The following UBE2E2 variants were observed in gnomAD, a reference collection of about 807,000 sequenced individuals.
UBE2E2 encodes ubiquitin conjugating enzyme E2 E2, also known as ubiquitin-conjugating enzyme E2 E2.
A neutral mutation model predicts 24.7 loss-of-function variants in UBE2E2; 6 were observed. The observed-to-expected ratio is 0.24, with a 90% CI of 0.13 to 0.48. The LOEUF is 0.48. Ranked by LOEUF, UBE2E2 falls within the 20% of genes least tolerant of loss-of-function variation. The pLI is 0.99. For synonymous variants in UBE2E2, 104 were observed against 83.6 expected, an observed-to-expected ratio of 1.24 and a Z score of -1.33; for missense variants, 169 against 245.0, an observed-to-expected ratio of 0.69 and a Z score of 2.07.
At chr3:23,466,544 G>T (rs1698922491) in intron 3 of UBE2E2, among the ~76,000 whole-genome samples, 1 of 150,806 alleles carries the variant, frequency 6.6e-6, no homozygotes, top group South Asian at 2.1e-4. Flanking sequence ...AGTAGTCCCA[G>T]AGTCTGTTTT....
At chr3:23,578,911 T>G (rs1418731036) in intron 5 of UBE2E2, among the ~76,000 whole-genome samples, 2 of 152,158 alleles carry the variant, frequency 1.3e-5, no homozygotes, top group Non-Finnish European at 2.9e-5. Flanking sequence ...ATCCTGCACA[T>G]GTACCCCTGA....
chr3:23,507,944 G>A (rs1026668669), intron 4 of UBE2E2, among the ~76,000 whole-genome samples: 1 of 152,124 alleles, frequency 6.6e-6, no homozygotes, highest in Non-Finnish European at 1.5e-5. Context: ...TTATATCTAC[G>A]TTAAATAATA....
At chr3:23,494,825 A>G (rs1052020212) in intron 3 of UBE2E2, among the ~76,000 whole-genome samples, 1 of 152,028 alleles carries the variant, frequency 6.6e-6, no homozygotes, top group East Asian at 1.9e-4. Flanking sequence ...CCTGGGTTCA[A>G]GCAATTCTCC....
intron 3 of UBE2E2, among the ~76,000 whole-genome samples, chr3:23,350,914 A>T (rs938192897): frequency 2.0e-5 from 3 of 152,198 alleles, no homozygotes; most frequent in Non-Finnish European, 2.9e-5. Context: ...CGAGAAGAGC[A>T]ACTCCAAGAC....
chr3:23,341,752 G>A (rs187989971), intron 3 of UBE2E2, among the ~76,000 whole-genome samples: 1 of 151,242 alleles, frequency 6.6e-6, no homozygotes, highest in African/African-American at 2.4e-5. Context: ...TAATAGTGTA[G>A]TAATTGATCA....
chr3:23,526,518 G>A (rs961397111), intron 4 of UBE2E2, among the ~76,000 whole-genome samples: 6 of 152,200 alleles, frequency 3.9e-5, no homozygotes, highest in African/African-American at 1.4e-4. Context: ...TTGGACATCA[G>A]TTGAAAGACA....
intron 3 of UBE2E2, among the ~76,000 whole-genome samples, chr3:23,235,701 G>A (rs941210127): frequency 3.3e-5 from 5 of 152,132 alleles, no homozygotes; most frequent in Admixed American, 3.3e-4. Context: ...TTGCTGATGG[G>A]TAAATGGCAG....
intron 3 of UBE2E2, among the ~76,000 whole-genome samples, chr3:23,421,749 A>C (rs1450866733): frequency 6.6e-6 from 1 of 152,254 alleles, no homozygotes; most frequent in African/African-American, 2.4e-5. Context: ...CAGAAAGTCA[A>C]ACACCACATG....
At chr3:23,391,349 T>G (rs1054844835) in intron 3 of UBE2E2, among the ~76,000 whole-genome samples, 1 of 152,242 alleles carries the variant, frequency 6.6e-6, no homozygotes, top group African/African-American at 2.4e-5. Context: ...AGACTTAGAA[T>G]GTATATGCAA....
chr3:23,560,028 G>A (rs979366913), intron 5 of UBE2E2, among the ~76,000 whole-genome samples: 5 of 151,700 alleles, frequency 3.3e-5, no homozygotes, highest in Non-Finnish European at 7.4e-5. Flanking sequence ...ATTAATATGG[G>A]GCTAGAAATA....
At chr3:23,538,321 A>C (rs1238594010) in intron 5 of UBE2E2, among the ~76,000 whole-genome samples, 1 of 152,140 alleles carries the variant, frequency 6.6e-6, no homozygotes, top group African/African-American at 2.4e-5. Flanking sequence ...AGTCACTCTA[A>C]TCAATACTTC....
rs540096319 is a variant in UBE2E2 at position 23,272,143 on chromosome 3, G to A, written c.227+54831G>A. On this transcript the variant is annotated intron_variant, in intron 3 of 5. Coordinates refer to ENST00000396703, the MANE Select transcript of UBE2E2 (RefSeq NM_152653.4). ...CACCGCCAGGGGGCTCGGCCATGGC[G>A]GGCTGCAGGTCCCGAGCCCTGCCCC... Among the ~76,000 whole-genome samples the A allele has an allele frequency of 8.4e-3, 1,281 of 152,294 alleles. 17 individuals carry two copies. The highest frequency in any genetic ancestry group is 0.028 in the African/African-American group (1,175 of 41,572).
intron 3 of UBE2E2, among the ~76,000 whole-genome samples, chr3:23,247,884 C>T (rs1290299033): frequency 2.0e-5 from 3 of 152,068 alleles, no homozygotes; most frequent in Non-Finnish European, 4.4e-5. Flanking sequence ...ATTTGTGGTT[C>T]TCCATTTTGA....
rs1466782734 is a variant in UBE2E2 at position 23,474,963 on chromosome 3, G to T, written c.228-24645G>T. On this transcript the variant is annotated intron_variant, in intron 3 of 5. Coordinates refer to ENST00000396703, the MANE Select transcript of UBE2E2 (RefSeq NM_152653.4). The surrounding 1 kb of genome is among the most constrained non-coding windows in gnomAD (Gnocchi z 4.0). The stretch of plus-strand genomic sequence containing the variant: ...CGATGACAAGCATTTCACTCAAATT[G>T]CTCCTCTCAAAGTCACCAACTGCAT... Among the ~76,000 whole-genome samples, 1 of 151,878 alleles carries T rather than the reference G, an allele frequency of 6.6e-6. No individual in the cohort carries two copies.
At chr3:23,349,928 C>T (rs182022794) in intron 3 of UBE2E2, among the ~76,000 whole-genome samples, 4,454 of 152,332 alleles carry the variant, frequency 0.029, 117 homozygotes, top group East Asian at 0.13. Context: ...GGCAGACTGC[C>T]TCCTCAAGTG....
At chr3:23,370,899 C>T (rs923131149) in intron 3 of UBE2E2, among the ~76,000 whole-genome samples, 25 of 152,036 alleles carry the variant, frequency 1.6e-4, no homozygotes, top group Admixed American at 1.4e-3. Context: ...GAAGTAAAAG[C>T]AGAAAAGAAA....
intron 3 of UBE2E2, among the ~76,000 whole-genome samples, chr3:23,356,129 C>G (rs953314864): frequency 5.3e-5 from 8 of 152,144 alleles, no homozygotes; most frequent in African/African-American, 1.9e-4. Context: ...TAAACTGCTA[C>G]TGGTACAGCA....
intron 3 of UBE2E2, among the ~76,000 whole-genome samples, chr3:23,371,611 G>A (rs1437458848): frequency 6.6e-6 from 1 of 152,142 alleles, no homozygotes; most frequent in Non-Finnish European, 1.5e-5. Flanking sequence ...TTGGGGATAG[G>A]TGCTGGGGTG....
chr3:23,377,886 C>A (rs985366942), intron 3 of UBE2E2, among the ~76,000 whole-genome samples: 3 of 152,092 alleles, frequency 2.0e-5, no homozygotes, highest in Non-Finnish European at 4.4e-5. Context: ...TTATGTACAT[C>A]TCTTATGTAC....
Sources: allele counts gnomAD v4.1 joint callset (sites outside exome capture counted in the v4.1 genomes callset), GRCh38; gene constraint gnomAD v4.1.1; non-coding constraint Gnocchi (gnomAD v3.1); transcripts MANE v1.5; gene names NCBI Gene and HGNC (gene_info 2026-07-23, HGNC 2026-07-21).